The following PTPRO variants were observed in gnomAD, a reference collection of about 807,000 sequenced individuals.
PTPRO encodes receptor-type tyrosine-protein phosphatase O.
In PTPRO, 62 loss-of-function variants were observed where a neutral mutation model predicts 145.2. The ratio of observed to expected loss-of-function variants is 0.43; its 90% CI spans 0.35 to 0.53. PTPRO has a LOEUF of 0.53. PTPRO is among the 20% of genes least tolerant of loss of function. The pLI is 0.01. For synonymous variants in PTPRO, 565 were observed against 514.7 expected (o/e 1.10, Z -1.32); for missense variants, 1,345 against 1,482.7 (o/e 0.91, Z 1.53).
At chr12:15,554,132 G>A (rs7311321) in intron 15 of PTPRO, among the ~76,000 whole-genome samples, 1,638 of 152,220 alleles carry the variant, frequency 0.011, 29 homozygotes, top group African/African-American at 0.037. Context: ...CCGAGATTGC[G>A]CCATTGCACT....
chr12:15,484,390 A>G (rs1458291847), intron 2 of PTPRO, 143 bp downstream of exon 2: 12 of 886,264 alleles, frequency 1.4e-5, no homozygotes, highest in East Asian at 7.9e-5. Context: ...GTTATGAGCT[A>G]TATTAAGAAT....
intron 1 of PTPRO, among the ~76,000 whole-genome samples, chr12:15,408,709 T>C (rs1213224205): frequency 2.6e-5 from 4 of 152,226 alleles, no homozygotes; most frequent in Non-Finnish European, 4.4e-5. Context: ...ATTACAGGCG[T>C]GAGCCACCGT....
chr12:15,420,392 A>C (rs539586651), intron 1 of PTPRO, among the ~76,000 whole-genome samples: 3 of 151,458 alleles, frequency 2.0e-5, no homozygotes, highest in Non-Finnish European at 4.4e-5. Flanking sequence ...CCAGTGTCTG[A>C]ATGCATCTCA....
intron 1 of PTPRO, among the ~76,000 whole-genome samples, chr12:15,365,898 A>T (rs1005338281): frequency 6.6e-6 from 1 of 152,210 alleles, no homozygotes; most frequent in Admixed American, 6.5e-5. Context: ...AATAATATTA[A>T]TTCTGAATCC....
rs974655511 is a variant in PTPRO, at chr12:15,511,522, C to T, written c.1464+2755C>T. On this transcript the variant is annotated intron_variant, in intron 7 of 26. Transcript: ENST00000281171. The stretch of plus-strand genomic sequence containing the variant: ...CTTCTTATTTTAAAAAGTATAATAT[C>T]CCTAGGATAAATTTATTATAATGGC... Among the ~76,000 whole-genome samples, 7 of 152,156 alleles carry T rather than the reference C, an allele frequency of 4.6e-5. No homozygotes were observed. The East Asian group carries it at 1.2e-3, about 25-fold the overall frequency.
intron 12 of PTPRO, among the ~76,000 whole-genome samples, chr12:15,537,487 C>T (rs1943088649): frequency 6.6e-6 from 1 of 151,974 alleles, no homozygotes; most frequent in East Asian, 1.9e-4. Flanking sequence ...GGAGATTGTC[C>T]AGGTCAAACC....
intron 1 of PTPRO, among the ~76,000 whole-genome samples, chr12:15,460,729 A>AT (rs1184867732): frequency 6.6e-6 from 1 of 152,228 alleles, no homozygotes; most frequent in Non-Finnish European, 1.5e-5. Context: ...ACTGGGTTCA[A>AT]TAAGACCTAC....
chr12:15,455,411 T>C (rs1941151201), intron 1 of PTPRO, among the ~76,000 whole-genome samples: 1 of 152,042 alleles, frequency 6.6e-6, no homozygotes, highest in Non-Finnish European at 1.5e-5. Flanking sequence ...ATAGGAAGTA[T>C]GATAAATTTG....
chr12:15,413,156 T>A (rs1939849003), intron 1 of PTPRO, among the ~76,000 whole-genome samples: 1 of 152,094 alleles, frequency 6.6e-6, no homozygotes, highest in East Asian at 1.9e-4. Context: ...AGTGGCACCA[T>A]CTTGGCTCAC....
At chr12:15,546,282 A>G in intron 12 of PTPRO, 1 of 1,160,586 alleles carries the variant, frequency 8.6e-7, no homozygotes, top group Non-Finnish European at 1.1e-6. Context: ...AGTATAAATG[A>G]CACAGAAACT....
intron 1 of PTPRO, among the ~76,000 whole-genome samples, chr12:15,463,648 A>T (rs181182416): frequency 3.9e-5 from 6 of 152,270 alleles, no homozygotes; most frequent in African/African-American, 1.4e-4. Flanking sequence ...TTCCCAATTT[A>T]CAAGCTTTCT....
At chr12:15,408,231 T>A (rs1003809678) in intron 1 of PTPRO, among the ~76,000 whole-genome samples, 1 of 152,148 alleles carries the variant, frequency 6.6e-6, no homozygotes, top group East Asian at 1.9e-4. Flanking sequence ...TTATGCCACA[T>A]TGGAAAAAGA....
chr12:15,413,642 CT>C (rs1298313737), intron 1 of PTPRO, among the ~76,000 whole-genome samples: 1 of 152,010 alleles, frequency 6.6e-6, no homozygotes, highest in African/African-American at 2.4e-5. Flanking sequence ...TGATAAAACC[CT>C]GTCTCTACTA....
chr12:15,500,950 G>A (rs561623817), intron 4 of PTPRO, among the ~76,000 whole-genome samples: 42 of 152,264 alleles, frequency 2.8e-4, no homozygotes, highest in African/African-American at 9.4e-4. Context: ...AAAGTTCATG[G>A]AAGAGGTGAT....
At chr12:15,481,047 A>G (rs1279300066) in intron 1 of PTPRO, among the ~76,000 whole-genome samples, 2 of 152,228 alleles carry the variant, frequency 1.3e-5, no homozygotes, top group East Asian at 3.8e-4. Flanking sequence ...AGAAAAGAGT[A>G]ATGGATAAGG....
At chr12:15,413,129 C>A (rs1346188928) in intron 1 of PTPRO, among the ~76,000 whole-genome samples, 4 of 152,126 alleles carry the variant, frequency 2.6e-5, no homozygotes, top group African/African-American at 9.7e-5. Flanking sequence ...CTCGCTCTGT[C>A]ACCCAGGCTG....
At chr12:15,344,469 C>T (rs2136221285) in intron 1 of PTPRO, among the ~76,000 whole-genome samples, 1 of 152,322 alleles carries the variant, frequency 6.6e-6, no homozygotes, top group Admixed American at 6.5e-5. Context: ...TCTCTATCTT[C>T]CTCCTAACTC....
intron 1 of PTPRO, among the ~76,000 whole-genome samples, chr12:15,403,545 T>C (rs1298089215): frequency 6.6e-6 from 1 of 152,186 alleles, no homozygotes; most frequent in Non-Finnish European, 1.5e-5. Context: ...ATGGCGCCAC[T>C]GCACTCCAGC....
intron 1 of PTPRO, among the ~76,000 whole-genome samples, chr12:15,342,358 T>C (rs1017405644): frequency 2.0e-5 from 3 of 152,234 alleles, no homozygotes; most frequent in African/African-American, 7.2e-5. Context: ...ATTCTATTTG[T>C]ACAGTGTTTT....
Sources: gnomAD v4.1 joint callset for allele counts (sites outside exome capture counted in the v4.1 genomes callset) on GRCh38, gnomAD v4.1.1 for gene constraint, MANE v1.5 for transcripts, NCBI Gene and HGNC (gene_info 2026-07-23, HGNC 2026-07-21) for gene names.